The following PDE10A variants were observed in gnomAD, a reference collection of about 807,000 sequenced individuals.
PDE10A encodes the protein cAMP and cAMP-inhibited cGMP 3',5'-cyclic phosphodiesterase 10A.
In PDE10A, 39 loss-of-function variants were observed where a neutral mutation model predicts 97.7. The ratio of observed to expected loss-of-function variants is 0.40; its 90% confidence interval spans 0.31 to 0.52. PDE10A has a LOEUF of 0.52. Among genes scored for constraint, PDE10A ranks in the 20% least tolerant of loss-of-function variants. The probability of loss-of-function intolerance (pLI) is 0.56; values close to 1 mark genes in which losing one functional copy is unlikely to be tolerated. For missense variants in PDE10A, 731 were observed against 1,047.8 expected (o/e 0.70, Z 4.17); for synonymous variants, 371 against 376.8 (o/e 0.98, Z 0.18).
intron 3 of PDE10A, among the ~76,000 whole-genome samples, chr6:165,462,019 G>A (rs1417858471): frequency 6.6e-6 from 1 of 152,222 alleles, no homozygotes; most frequent in Non-Finnish European, 1.5e-5. Context: ...TTGGGCTACA[G>A]GCCAATCAGG....
chr6:165,955,498 G>C (rs927666716), intron 1 of PDE10A, among the ~76,000 whole-genome samples: 2 of 152,146 alleles, frequency 1.3e-5, no homozygotes, highest in Non-Finnish European at 2.9e-5. Flanking sequence ...TGGGAGCTTA[G>C]CGTCTACCTC....
At chr6:165,905,465 A>G (rs1372287513) in intron 1 of PDE10A, among the ~76,000 whole-genome samples, 1 of 152,178 alleles carries the variant, frequency 6.6e-6, no homozygotes, top group African/African-American at 2.4e-5. Context: ...GTCCATATCT[A>G]TTAATTTCAC....
chr6:165,662,978 C>T lies in PDE10A; in HGVS notation c.-167G>A, dbSNP rs1041163672. 2.0e-5 allele frequency among the ~76,000 whole-genome samples: 3 copies of T among 151,364 alleles called. No individual in the cohort carries two copies. The highest frequency in any genetic ancestry group is 7.3e-5 in the African/African-American group (3 of 41,310). On this transcript the variant is annotated 5_prime_UTR_variant, in exon 1 of 22. It adds an upstream start codon to the 5' untranslated region. Transcript: ENST00000539869. The stretch of plus-strand genomic sequence containing the variant: ...GGCTTCCCTCCCAGTCTAGTCTTCA[C>T]ATTGTGCTCGGCTTGGGTTGCGGGA...
intron 1 of PDE10A, among the ~76,000 whole-genome samples, chr6:165,639,877 G>A (rs1447100007): frequency 6.6e-6 from 1 of 152,040 alleles, no homozygotes; most frequent in African/African-American, 2.4e-5. Flanking sequence ...TGACCAGTCT[G>A]GGCAACATAG....
chr6:165,875,758 G>A (rs1443720786), intron 1 of PDE10A, among the ~76,000 whole-genome samples: 2 of 128,138 alleles, frequency 1.6e-5, no homozygotes, highest in Admixed American at 1.6e-4. Context: ...GTGTGTGTGT[G>A]TGTGTTTGTT....
chr6:165,336,823 C>T (rs893355674), intron 20 of PDE10A, among the ~76,000 whole-genome samples: 3 of 150,976 alleles, frequency 2.0e-5, no homozygotes, highest in Non-Finnish European at 2.9e-5. Flanking sequence ...AATGACATTT[C>T]GCTAATAGAT....
intron 1 of PDE10A, among the ~76,000 whole-genome samples, chr6:165,684,160 T>C (rs1389454477): frequency 6.6e-6 from 1 of 152,190 alleles, no homozygotes; most frequent in African/African-American, 2.4e-5. Flanking sequence ...TTCTTGTCTG[T>C]AATGCTTATC....
intron 14 of PDE10A, 33 bp from the exon 15 acceptor site, chr6:165,395,297 C>T (rs376831885): frequency 6.5e-6 from 9 of 1,393,686 alleles, no homozygotes; most frequent in Admixed American, 1.7e-5. Flanking sequence ...TATCACTAAA[C>T]GTGATTAGAA....
chr6:165,848,502 T>G (rs1012376243), intron 1 of PDE10A, among the ~76,000 whole-genome samples: 5 of 152,212 alleles, frequency 3.3e-5, no homozygotes, highest in Non-Finnish European at 5.9e-5. Context: ...AAATTCCATA[T>G]GCTATTAATT....
chr6:165,730,278 C>T (rs1469201665), intron 1 of PDE10A, among the ~76,000 whole-genome samples: 1 of 152,070 alleles, frequency 6.6e-6, no homozygotes, highest in Admixed American at 6.5e-5. Flanking sequence ...TTTCCTCTGT[C>T]GTTTCTACTG....
At chr6:165,733,057 C>T (rs779017350) in intron 1 of PDE10A, among the ~76,000 whole-genome samples, 3 of 152,178 alleles carry the variant, frequency 2.0e-5, no homozygotes, top group African/African-American at 7.2e-5. Flanking sequence ...TCATTGCCAG[C>T]GGAGCCTGCA....
At chr6:165,657,108 T>C (rs966783095) in intron 1 of PDE10A, among the ~76,000 whole-genome samples, 44 of 152,342 alleles carry the variant, frequency 2.9e-4, no homozygotes, top group African/African-American at 9.9e-4. Context: ...CTGTTAACAG[T>C]CTCAGGGAAA....
At chr6:165,457,305 A>G (rs931302590) in intron 3 of PDE10A, among the ~76,000 whole-genome samples, 3 of 151,966 alleles carry the variant, frequency 2.0e-5, no homozygotes, top group Non-Finnish European at 4.4e-5. Context: ...GCATCACTGC[A>G]GCATTCGTAA....
chr6:165,788,561 A>T (rs1778562188), intron 1 of PDE10A, among the ~76,000 whole-genome samples: 1 of 151,478 alleles, frequency 6.6e-6, no homozygotes, highest in Non-Finnish European at 1.5e-5. Context: ...AAAAAGAAAA[A>T]AAAAAGAGTA....
At chr6:165,899,202 A>G (rs1782036165) in intron 1 of PDE10A, among the ~76,000 whole-genome samples, 1 of 152,242 alleles carries the variant, frequency 6.6e-6, no homozygotes, top group Non-Finnish European at 1.5e-5. Flanking sequence ...AGTAATTGCC[A>G]GAATCTAGGT....
chr6:165,549,021 C>G (rs9457101), intron 1 of PDE10A, among the ~76,000 whole-genome samples: 3,024 of 152,294 alleles, frequency 0.02, 47 homozygotes, highest in Non-Finnish European at 0.031. Context: ...CCAGGTGGAG[C>G]AGCCTCTTCA....
At chr6:165,978,916 T>A (rs1784924357) in intron 1 of PDE10A, among the ~76,000 whole-genome samples, 1 of 152,130 alleles carries the variant, frequency 6.6e-6, no homozygotes, top group Non-Finnish European at 1.5e-5. Flanking sequence ...ATAATAATAA[T>A]TCTGTGTGCC....
rs567887151 is a variant in PDE10A at position 165,331,671 on chromosome 6, A to C, written c.*1354T>G. 1 of 152,338 alleles carries C rather than the reference A, an allele frequency of 6.6e-6. No homozygotes were observed. Among genetic ancestry groups the C allele is most frequent in the East Asian group, 1.9e-4 (1 of 5,186 alleles). The allele number at this position is 152,338 out of a possible 1,614,324, so 9.4% of individuals were successfully genotyped here. ...CGTGCCATTGCACTAAAAATCTTTA[A>C]ATTATTAAAATGCGCCAGAAGTGAC... is the stretch of plus-strand genomic sequence containing the variant. On this transcript the variant is annotated 3_prime_UTR_variant, in exon 22 of 22. Transcript: ENST00000539869.
At chr6:165,682,216 T>C (rs1790996775) in intron 1 of PDE10A, among the ~76,000 whole-genome samples, 1 of 152,132 alleles carries the variant, frequency 6.6e-6, no homozygotes, top group Admixed American at 6.5e-5. Flanking sequence ...CACTGCAGCC[T>C]CAACCACAGG....
Sources: gnomAD v4.1 joint callset for allele counts (sites outside exome capture counted in the v4.1 genomes callset) on GRCh38, gnomAD v4.1.1 for gene constraint, MANE v1.5 for transcripts, NCBI Gene and HGNC (gene_info 2026-07-23, HGNC 2026-07-21) for gene names.